Variants in ACSM5 observed in about 807,000 individuals in gnomAD.
ACSM5 encodes acyl-coenzyme A synthetase ACSM5, mitochondrial.
Under a neutral mutation model 71.6 loss-of-function variants are expected in ACSM5, and 56 were observed. The observed-to-expected ratio is 0.78, with a 90% confidence interval of 0.63 to 0.98. The LOEUF (loss-of-function observed/expected upper bound fraction) is 0.98. Ranked by LOEUF, ACSM5 falls within the 50% of genes least tolerant of loss-of-function variation. ACSM5 has a pLI of 0.00. For synonymous variants in ACSM5, 285 were observed against 281.5 expected, an observed-to-expected ratio of 1.01 and a Z score of -0.12; for missense variants, 723 against 726.0, an observed-to-expected ratio of 1.00 and a Z score of 0.05.
chr16:20,415,047 T>C (rs905535239), intron 2 of ACSM5, among the ~76,000 whole-genome samples: 4 of 152,204 alleles, frequency 2.6e-5, no homozygotes, highest in African/African-American at 9.7e-5. Context: ...GAATAACTTA[T>C]AAGGGATAAG....
At chr16:20,427,082 C>G (rs899973245) in intron 6 of ACSM5, among the ~76,000 whole-genome samples, 4 of 151,746 alleles carry the variant, frequency 2.6e-5, no homozygotes, top group Admixed American at 6.6e-5. Context: ...GCGGGTGAAT[C>G]ATGAGGTCAG....
chr16:20,417,784 G>GA (rs976659741), intron 2 of ACSM5, among the ~76,000 whole-genome samples: 1 of 151,978 alleles, frequency 6.6e-6, no homozygotes, highest in Non-Finnish European at 1.5e-5. Flanking sequence ...AAAGATAGTA[G>GA]AAAAAAATAT....
Position 20,427,791 on chromosome 16 carries a change from C to G in ACSM5, c.925C>G (p.Leu309Val), listed in dbSNP as rs763774602. 2.0e-5 allele frequency: 33 copies of G among 1,612,106 alleles called. No individual in the cohort carries two copies. The highest frequency in any genetic ancestry group is 1.7e-5 in the Admixed American group (1 of 59,994). Residue 309 changes from leucine (L) to valine (V), a missense_variant, in exon 7 of 14, where the codon CTC becomes GTC. Coordinates refer to ENST00000331849, the MANE Select transcript of ACSM5 (RefSeq NM_017888.3). The stretch of plus-strand genomic sequence containing the variant: ...TTCACCCTTTGTTTTTGTTTAGACT[C>G]TCTCCAAATTCCCGATAACCACCCT... ...RVDAKVILNT[L>V]SKFPITTLCC...
At position 20,427,956 on chromosome 16, in the gene ACSM5, A is replaced by G. The variant is rs1967022435; in HGVS notation, c.1001+89A>G. The stretch of plus-strand genomic sequence containing the variant: ...CACACACAACTACCCTCTCATTCCA[A>G]CTCTCTTTCTTTCTCTGTCTCTCCC... On this transcript the variant is annotated intron_variant, in intron 7 of 13. Transcript: ENST00000331849. The G allele has an allele frequency of 8.4e-6, 8 of 949,052 alleles. No individual in the cohort carries two copies. In the East Asian group the frequency reaches 2.0e-4, roughly 23 times the overall value. The allele number at this position is 949,052 out of a possible 1,614,324, so 58.8% of individuals were successfully genotyped here. A position where few individuals can be genotyped will look rare whatever the true frequency, so the allele number is the denominator to read the frequency against.
At chr16:20,415,988 G>A (rs112144396) in intron 2 of ACSM5, among the ~76,000 whole-genome samples, 6,922 of 152,004 alleles carry the variant, frequency 0.046, 174 homozygotes, top group South Asian at 0.061. Flanking sequence ...TACTAATAGC[G>A]TCAAAAAGAA....
chr16:20,431,196 C>T, intron 9 of ACSM5, 24 bp from the exon 10 acceptor site: 1 of 1,608,768 alleles, frequency 6.2e-7, no homozygotes, highest in Non-Finnish European at 8.5e-7. Context: ...CACGTATGCA[C>T]CTCTGTGATG....
chr16:20,417,023 C>CAAAA (rs35498393), intron 2 of ACSM5, among the ~76,000 whole-genome samples: 1 of 130,086 alleles, frequency 7.7e-6, no homozygotes, highest in Non-Finnish European at 1.6e-5. Context: ...AGTGGCATGG[C>CAAAA]AAAAAAAAAA....
Position 20,411,507 on chromosome 16 carries a change from T to C in ACSM5, c.23T>C (p.Leu8Pro). The change falls in exon 2 of 14, where the codon CTA (leucine) becomes CCA (proline). Residue 8 changes from leucine to proline, a missense_variant. Transcript: ENST00000331849. MRPWLRH[L>P]VLQALRNSRA... ...TGCATGAGACCATGGCTGAGACACCTAGTCCTCCAGGCACTGAGGAACTCC... is the reference window on the plus strand; with the variant it reads ...TGCATGAGACCATGGCTGAGACACCCAGTCCTCCAGGCACTGAGGAACTCC... 6.2e-7 allele frequency: 1 copy of C among 1,614,146 alleles called. No homozygotes were observed. Among genetic ancestry groups the C allele is most frequent in the African/African-American group, 1.3e-5 (1 of 75,066 alleles).
In ACSM5 at chr16:20,427,670, C is replaced by A. The variant is rs1967010187; in HGVS notation, c.922-118C>A. 3 of 758,864 alleles carry A rather than the reference C, an allele frequency of 4.0e-6. No homozygotes were observed. In the East Asian group the frequency reaches 7.4e-5, roughly 19 times the overall value. 47.0% of individuals were successfully genotyped at this position (758,864 alleles called of 1,614,324 possible). On this transcript the variant is annotated intron_variant, in intron 6 of 13. Transcript: ENST00000331849. ...ACACCATCTTGGCTGCTGGATTCCA[C>A]ACATAGTTTTCAGCTTCTCTGCTTT...
At chr16:20,434,766 A>G (rs1441199971) in intron 10 of ACSM5, among the ~76,000 whole-genome samples, 9 of 152,176 alleles carry the variant, frequency 5.9e-5, no homozygotes, top group African/African-American at 2.2e-4. Flanking sequence ...TATTTCCTTG[A>G]TCACTTACTC....
intron 3 of ACSM5, 147 bp downstream of exon 3, chr16:20,418,416 G>T: frequency 1.2e-6 from 1 of 844,486 alleles, no homozygotes. Context: ...TCACAGACTT[G>T]ATTGTATAGT....
intron 2 of ACSM5, among the ~76,000 whole-genome samples, chr16:20,412,918 A>G (rs544970858): frequency 2.0e-5 from 3 of 152,368 alleles, no homozygotes; most frequent in African/African-American, 4.8e-5. Context: ...CAGCAGATGT[A>G]GTGAAACTTA....
intron 5 of ACSM5, 136 bp downstream of exon 5, chr16:20,421,537 T>G: frequency 1.3e-6 from 1 of 777,912 alleles, no homozygotes; most frequent in East Asian, 3.4e-5. Context: ...TAGGAGCAGC[T>G]TAGGAAGGAT....
intron 6 of ACSM5, among the ~76,000 whole-genome samples, chr16:20,425,790 T>C (rs1346299475): frequency 2.6e-5 from 4 of 151,926 alleles, no homozygotes; most frequent in African/African-American, 9.7e-5. Flanking sequence ...TTGTATTCCA[T>C]TATATATATT....
Position 20,421,351 on chromosome 16 carries a change from G to C in ACSM5, c.717G>C (p.Met239Ile), listed in dbSNP as rs1408888492. 6.2e-7 allele frequency: 1 copy of C among 1,608,888 alleles called. No homozygotes were observed. The highest frequency in any genetic ancestry group is 2.2e-5 in the East Asian group (1 of 44,480). ...GCGGAACCACCGGGGCCCCCAAGATGGTCGAGCACTCCCAGAGCAGCTACG... is the reference window on the plus strand; with the variant it reads ...GCGGAACCACCGGGGCCCCCAAGATCGTCGAGCACTCCCAGAGCAGCTACG... ...FTSGTTGAPK[M>I]VEHSQSSYGL... The change falls in exon 5 of 14, where the codon ATG becomes ATC. Residue 239 changes from methionine to isoleucine, a missense_variant. By Grantham distance (10) the Met-to-Ile change is conservative. Transcript: ENST00000331849.
intron 6 of ACSM5, among the ~76,000 whole-genome samples, chr16:20,424,784 G>C (rs1464204342): frequency 2.6e-5 from 4 of 152,218 alleles, no homozygotes; most frequent in Non-Finnish European, 5.9e-5. Flanking sequence ...TTTCTCTATA[G>C]ATTTGCTGCG....
In ACSM5 at chr16:20,439,855, C is replaced by G; in HGVS notation, c.1592C>G (p.Ala531Gly). ...TPAYSSHDPEALTRELQEHVK... is the reference protein window; with the variant it reads ...TPAYSSHDPEGLTRELQEHVK... Reference sequence around the variant, plus strand: ...GCCTACTCCTCTCATGACCCAGAGGCACTAACGCGGGAACTCCAGGAGCAT... The same window carrying G: ...GCCTACTCCTCTCATGACCCAGAGGGACTAACGCGGGAACTCCAGGAGCAT... Residue 531 changes from alanine (A) to glycine (G), a missense_variant, in exon 13 of 14, where the codon GCA becomes GGA. Transcript: ENST00000331849. The G allele has an allele frequency of 6.2e-7, 1 of 1,612,116 alleles. No individual in the cohort carries two copies. The highest frequency in any genetic ancestry group is 8.5e-7 in the Non-Finnish European group (1 of 1,178,566).
chr16:20,419,343 T>A lies in ACSM5; in HGVS notation c.531T>A (p.Asp177Glu). The change falls in exon 4 of 14, where the codon GAT (aspartate) becomes GAA (glutamate). Residue 177 changes from aspartate (D) to glutamate (E), a missense_variant. Transcript: ENST00000331849. ...ITSDSLAPRV[D>E]AISAECPSLQ... ...GTGACTCCCTAGCTCCAAGGGTGGA[T>A]GCCATCAGTGCCGAATGCCCCTCCC... 1 of 1,612,416 alleles carries A rather than the reference T, an allele frequency of 6.2e-7. No individual in the cohort carries two copies. The highest frequency in any genetic ancestry group is 8.5e-7 in the Non-Finnish European group (1 of 1,178,686).
intron 12 of ACSM5, among the ~76,000 whole-genome samples, chr16:20,438,112 G>A (rs1344128436): frequency 1.3e-5 from 2 of 151,936 alleles, no homozygotes; most frequent in Admixed American, 6.6e-5. Context: ...ACAGGCGTGA[G>A]TCACCGTGCC....
Sources: allele counts gnomAD v4.1 joint callset (sites outside exome capture counted in the v4.1 genomes callset), GRCh38; gene constraint gnomAD v4.1.1; transcripts MANE v1.5; gene names NCBI Gene and HGNC (gene_info 2026-07-23, HGNC 2026-07-21).